The following AK8 variants were observed in gnomAD, a reference collection of about 807,000 sequenced individuals.
AK8 encodes the protein adenylate kinase 8.
A neutral mutation model predicts 54.6 loss-of-function variants in AK8; 44 were observed. That is an observed-to-expected ratio of 0.81 (90% CI 0.63 to 1.04). The LOEUF (loss-of-function observed/expected upper bound fraction) is 1.04, where lower values mean the gene tolerates loss of function less well. AK8 is among the 50% of genes least tolerant of loss of function. The pLI, the probability that AK8 is intolerant of heterozygous loss-of-function variation, is 0.00. For synonymous variants in AK8, 239 were observed against 245.6 expected (o/e 0.97, Z 0.25); for missense variants, 555 against 613.6 (o/e 0.90, Z 1.01).
In AK8 at chr9:132,781,811, T is replaced by C. The variant is rs544526365; in HGVS notation, c.1121+10823A>G. Among the ~76,000 whole-genome samples, 6 of 152,324 alleles carry C rather than the reference T, an allele frequency of 3.9e-5. No homozygotes were observed. Among genetic ancestry groups the C allele is most frequent in the African/African-American group, 1.4e-4 (6 of 41,572 alleles). On this transcript the variant is annotated intron_variant, in intron 11 of 12. Transcript: ENST00000298545. This position sits in a 1 kb window ranked among gnomAD's most constrained non-coding sequence, Gnocchi z 4.6. ...GATAGTCATCCTGGTGCTAGGTGGATTCATTTTAGAATATTTCTCTCTTTC... is the reference window on the plus strand; with the variant it reads ...GATAGTCATCCTGGTGCTAGGTGGACTCATTTTAGAATATTTCTCTCTTTC...
At chr9:132,778,820 A>G (rs1839336968) in intron 11 of AK8, among the ~76,000 whole-genome samples, 1 of 152,146 alleles carries the variant, frequency 6.6e-6, no homozygotes, top group Non-Finnish European at 1.5e-5. Flanking sequence ...TTTTATAAAC[A>G]TTGGTAAATG....
At chr9:132,733,159 C>T (rs1400158631) in intron 11 of AK8, among the ~76,000 whole-genome samples, 1 of 152,198 alleles carries the variant, frequency 6.6e-6, no homozygotes, top group African/African-American at 2.4e-5. Flanking sequence ...AAAGCCACGT[C>T]CTCCTTGCAC....
chr9:132,841,974 G>A (rs1842563652), intron 5 of AK8, among the ~76,000 whole-genome samples: 2 of 152,138 alleles, frequency 1.3e-5, no homozygotes, highest in Non-Finnish European at 2.9e-5. Flanking sequence ...AGGGTGCAGT[G>A]CTTGAACTTT....
chr9:132,830,570 A>G (rs774826248), intron 5 of AK8, among the ~76,000 whole-genome samples: 4 of 152,108 alleles, frequency 2.6e-5, no homozygotes, highest in Non-Finnish European at 5.9e-5. Flanking sequence ...TTCTTTTCCA[A>G]AATGTCCATT....
chr9:132,779,241 G>C (rs564808194), intron 11 of AK8, among the ~76,000 whole-genome samples: 9 of 152,228 alleles, frequency 5.9e-5, no homozygotes, highest in Non-Finnish European at 7.3e-5. Context: ...AAGTGTCATA[G>C]TAAATGTGTT....
At chr9:132,857,960 C>T (rs1843241864) in intron 4 of AK8, among the ~76,000 whole-genome samples, 1 of 152,242 alleles carries the variant, frequency 6.6e-6, no homozygotes, top group South Asian at 2.1e-4. Context: ...GAATCAGCCT[C>T]CCTCCTTGCA....
intron 9 of AK8, among the ~76,000 whole-genome samples, 193 bp downstream of exon 9, chr9:132,823,012 T>C (rs1175408386): frequency 6.6e-6 from 1 of 152,146 alleles, no homozygotes; most frequent in African/African-American, 2.4e-5. Flanking sequence ...TTTATGGCAA[T>C]ATTCCTCGGG....
At chr9:132,731,360 CGTG>C (rs1836837232) in intron 11 of AK8, among the ~76,000 whole-genome samples, 3 of 152,034 alleles carry the variant, frequency 2.0e-5, no homozygotes, top group Admixed American at 6.6e-5. Context: ...CTCCTAGCAA[CGTG>C]GTAAAGGATT....
chr9:132,838,375 A>G (rs1842409087), intron 5 of AK8, among the ~76,000 whole-genome samples: 2 of 152,232 alleles, frequency 1.3e-5, no homozygotes, highest in African/African-American at 4.8e-5. Flanking sequence ...CATGAGATCT[A>G]AGAGGAGTCA....
intron 11 of AK8, among the ~76,000 whole-genome samples, chr9:132,779,879 T>C (rs1408330932): frequency 6.6e-6 from 1 of 152,210 alleles, no homozygotes; most frequent in Admixed American, 6.5e-5. Flanking sequence ...TACCTGGCTA[T>C]GTGGCCTGGA....
intron 10 of AK8, among the ~76,000 whole-genome samples, chr9:132,806,921 C>T (rs1336550858): frequency 1.3e-5 from 2 of 152,086 alleles, no homozygotes. Flanking sequence ...CGCCTTTTCT[C>T]GGGTTCTATT....
chr9:132,809,359 C>T lies in AK8; in HGVS notation c.979+5279G>A, dbSNP rs563390577. 3.3e-5 allele frequency among the ~76,000 whole-genome samples: 5 copies of T among 152,266 alleles called. No individual in the cohort carries two copies. The East Asian group carries it at 5.8e-4, about 18-fold the overall frequency. On this transcript the variant is annotated intron_variant, in intron 10 of 12. Transcript: ENST00000298545. ...GTCCTTCTGGTTGCAGGGCAGTGTT[C>T]GGAAGCTGAATTCCACTGTTCCCTT...
intron 10 of AK8, among the ~76,000 whole-genome samples, chr9:132,808,669 T>G (rs1840842476): frequency 6.6e-6 from 1 of 152,184 alleles, no homozygotes; most frequent in East Asian, 1.9e-4. Context: ...CATCTGGCTC[T>G]ATTTGGCTGA....
At chr9:132,813,154 C>T (rs1287969577) in intron 10 of AK8, among the ~76,000 whole-genome samples, 1 of 141,918 alleles carries the variant, frequency 7.0e-6, no homozygotes, top group Non-Finnish European at 1.5e-5. Context: ...TGCCCTGAGC[C>T]TACACAGATC....
chr9:132,807,393 T>C (rs1840775843), intron 10 of AK8, among the ~76,000 whole-genome samples: 1 of 152,206 alleles, frequency 6.6e-6, no homozygotes, highest in Non-Finnish European at 1.5e-5. Flanking sequence ...GAGTGCGCTG[T>C]GGACAGGCTG....
intron 11 of AK8, among the ~76,000 whole-genome samples, chr9:132,783,241 G>GT (rs1564399033): frequency 6.6e-6 from 1 of 152,042 alleles, no homozygotes; most frequent in Non-Finnish European, 1.5e-5. Flanking sequence ...TCTGAAGATG[G>GT]TGGGAGGGGT....
intron 2 of AK8, 126 bp downstream of exon 2, chr9:132,874,989 A>G: frequency 2.5e-6 from 3 of 1,219,508 alleles, no homozygotes; most frequent in Non-Finnish European, 3.5e-6. Flanking sequence ...GTGCTCAGCT[A>G]TTCTCGGGAT....
At chr9:132,847,310 C>A (rs778804653) in intron 5 of AK8, among the ~76,000 whole-genome samples, 2 of 152,210 alleles carry the variant, frequency 1.3e-5, no homozygotes, top group Non-Finnish European at 2.9e-5. Flanking sequence ...CTAAGACAGA[C>A]CGTGGCGCCA....
rs145151070 is a variant in AK8 at position 132,745,426 on chromosome 9, C to T, written c.1122-17892G>A. Reference sequence around the variant, plus strand: ...CTCAAATACTTCAATTGTGTGCGTCCGTGTCGCGGCTGTAATGTGGAGAAG... The same window carrying T: ...CTCAAATACTTCAATTGTGTGCGTCTGTGTCGCGGCTGTAATGTGGAGAAG... On this transcript the variant is annotated intron_variant, in intron 11 of 12. Transcript: ENST00000298545. Among the ~76,000 whole-genome samples the T allele has an allele frequency of 6.7e-3, 1,012 of 152,150 alleles. 7 individuals are homozygous for T. Among genetic ancestry groups the T allele is most frequent in the African/African-American group, 0.023 (946 of 41,516 alleles).
Sources: gnomAD v4.1 joint callset for allele counts (sites outside exome capture counted in the v4.1 genomes callset) on GRCh38, gnomAD v4.1.1 for gene constraint, Gnocchi (gnomAD v3.1) non-coding constraint, MANE v1.5 for transcripts, NCBI Gene and HGNC (gene_info 2026-07-23, HGNC 2026-07-21) for gene names.